MDN1: variants seen among roughly 807,000 people sequenced by gnomAD.
MDN1 encodes midasin.
Under a neutral mutation model 669.2 loss-of-function variants are expected in MDN1, and 266 were observed. That is an observed-to-expected ratio of 0.40 (90% confidence interval 0.36 to 0.44). The LOEUF (loss-of-function observed/expected upper bound fraction) is 0.44. MDN1 is among the 20% of genes least tolerant of loss of function. The probability of loss-of-function intolerance (pLI) is 1.00; values close to 1 mark genes in which losing one functional copy is unlikely to be tolerated. For missense variants in MDN1, 5,940 were observed against 6,754.0 expected, an observed-to-expected ratio of 0.88 and a Z score of 4.22; for synonymous variants, 2,385 against 2,457.1, an observed-to-expected ratio of 0.97 and a Z score of 0.87.
intron 1 of MDN1, among the ~76,000 whole-genome samples, chr6:89,813,456 C>T (rs896066819): frequency 1.3e-5 from 2 of 149,890 alleles, no homozygotes; most frequent in Admixed American, 6.8e-5. Context: ...GAGGCTGAAA[C>T]AGGAGAATTG....
intron 23 of MDN1, 94 bp downstream of exon 23, chr6:89,751,334 GAAT>G: frequency 7.0e-7 from 1 of 1,435,074 alleles, no homozygotes; most frequent in African/African-American, 1.4e-5. Context: ...CAATGAATAA[GAAT>G]AAAGCTCTTT....
At chr6:89,727,006 G>A (rs966282734) in intron 37 of MDN1, among the ~76,000 whole-genome samples, 1 of 152,032 alleles carries the variant, frequency 6.6e-6, no homozygotes, top group African/African-American at 2.4e-5. Context: ...ACTAAGTATG[G>A]TCAGTAGCCT....
At position 89,786,250 on chromosome 6, in the gene MDN1, T is replaced by G. The variant is rs571693998; in HGVS notation, c.1335-1124A>C. On this transcript the variant is annotated intron_variant, in intron 8 of 101. Coordinates refer to ENST00000369393, the MANE Select transcript of MDN1 (RefSeq NM_014611.3). ...TCCAGCTTGGATGACAGAGTGAGAC[T>G]CGGTCTCAAAAAAAATTAATTAAAT... 3.3e-5 allele frequency among the ~76,000 whole-genome samples: 5 copies of G among 151,874 alleles called. No individual in the cohort carries two copies. In the East Asian group the frequency reaches 9.7e-4, roughly 30 times the overall value.
intron 19 of MDN1, among the ~76,000 whole-genome samples, chr6:89,757,028 C>A (rs1408166389): frequency 1.3e-5 from 2 of 152,036 alleles, no homozygotes; most frequent in Non-Finnish European, 2.9e-5. Context: ...AACAAGCCCC[C>A]TCATCATCAA....
intron 97 of MDN1, 37 bp downstream of exon 97, chr6:89,649,985 AAT>A (rs761410939): frequency 3.1e-4 from 498 of 1,607,190 alleles, no homozygotes; most frequent in Non-Finnish European, 4.1e-4. Flanking sequence ...GCTTGATGTT[AAT>A]TTCCTATCAA....
At position 89,700,824 on chromosome 6, in the gene MDN1, C is replaced by A. The variant is rs1410074552; in HGVS notation, c.8460G>T (p.Leu2820=). 11 of 1,614,204 alleles carry A rather than the reference C, an allele frequency of 6.8e-6. No homozygotes were observed. The highest frequency in any genetic ancestry group is 9.3e-6 in the Non-Finnish European group (11 of 1,180,032). ...DKLVVECFSQ[L]KVLNKVLAIR... ...TGGCAAGGACTTTGTTAAGGACCTT[C>A]AGTTGTGAAAAACACTCCACCACCA... Residue 2820 remains leucine, a synonymous_variant, in exon 56 of 102, where the codon CTG becomes CTT. Coordinates refer to ENST00000369393, the MANE Select transcript of MDN1 (RefSeq NM_014611.3).
In MDN1 at chr6:89,755,372, C is replaced by G. The variant is rs1180584030; in HGVS notation, c.2816+905G>C. 2.5e-5 allele frequency among the ~76,000 whole-genome samples: 3 copies of G among 121,498 alleles called. No individual in the cohort carries two copies. In the East Asian group the frequency reaches 7.1e-4, roughly 29 times the overall value. 79.7% of individuals were successfully genotyped at this position (121,498 alleles called of 152,430 possible). A position where few individuals can be genotyped will look rare whatever the true frequency, so the allele number is the denominator to read the frequency against. On this transcript the variant is annotated intron_variant, in intron 20 of 101. Coordinates refer to ENST00000369393, the MANE Select transcript of MDN1 (RefSeq NM_014611.3). ...CAGCCTGCACAACAAAGCAAAGCTC[C>G]TGTATCCAAAAAAAAAAAAAAAAAA...
rs1808263942 is a variant in MDN1 at position 89,643,006 on chromosome 6, T to TCTGA, written c.*995_*998dup. 1 of 152,166 alleles carries TCTGA rather than the reference T, an allele frequency of 6.6e-6. No homozygotes were observed. The highest frequency in any genetic ancestry group is 2.4e-5 in the African/African-American group (1 of 41,448). 9.4% of individuals were successfully genotyped at this position (152,166 alleles called of 1,614,324 possible). A position where few individuals can be genotyped will look rare whatever the true frequency, so the allele number is the denominator to read the frequency against. On this transcript the variant is annotated 3_prime_UTR_variant, in exon 102 of 102. Coordinates refer to ENST00000369393, the MANE Select transcript of MDN1 (RefSeq NM_014611.3). ...TGACATACTGCCTACAAAAGAACAT[T>TCTGA]CTGACAGAACATTAAGTAGAACAGA...
At chr6:89,814,121 T>C (rs1768645679) in intron 1 of MDN1, among the ~76,000 whole-genome samples, 2 of 152,062 alleles carry the variant, frequency 1.3e-5, no homozygotes, top group Admixed American at 1.3e-4. Flanking sequence ...CCCAACCAAC[T>C]GAATGAAGGT....
chr6:89,657,078 A>G (rs1213416582), intron 90 of MDN1, among the ~76,000 whole-genome samples: 2 of 152,250 alleles, frequency 1.3e-5, no homozygotes, highest in African/African-American at 4.8e-5. Context: ...CTCCAAAGAC[A>G]GGACAGACCT....
intron 5 of MDN1, among the ~76,000 whole-genome samples, chr6:89,790,698 GA>G (rs1819221686): frequency 1.3e-5 from 2 of 151,728 alleles, no homozygotes; most frequent in Admixed American, 1.3e-4. Flanking sequence ...CAGAGACCCC[GA>G]CTCTAGAAAA....
At chr6:89,753,385 T>A in intron 22 of MDN1, 127 bp downstream of exon 22, 1 of 682,808 alleles carries the variant, frequency 1.5e-6, no homozygotes. Flanking sequence ...TCTGTAATGT[T>A]TAAACTTTTT....
chr6:89,700,637 A>AT lies in MDN1; in HGVS notation c.8638+8dup, dbSNP rs1167668477. ...ATCTGTCAGCTAGCCAAGTGCTAGA[A>AT]TATTTTACCTAGGCTGACATCTTCC... is the stretch of plus-strand genomic sequence containing the variant. On this transcript the variant is annotated intron_variant, in intron 56 of 101. Transcript: ENST00000369393. 1.2e-6 allele frequency: 2 copies of AT among 1,613,106 alleles called. No individual in the cohort carries two copies. The highest frequency in any genetic ancestry group is 1.7e-6 in the Non-Finnish European group (2 of 1,179,196).
At chr6:89,671,108 G>A (rs372404797) in intron 82 of MDN1, 28 bp from the exon 83 acceptor site, 10 of 1,604,846 alleles carry the variant, frequency 6.2e-6, no homozygotes, top group African/African-American at 1.3e-5. Context: ...CAAAAGGCCT[G>A]CTCACACTGC....
Position 89,681,298 on chromosome 6 carries a change from C to T in MDN1, c.12103-547G>A, listed in dbSNP as rs568572532. Among the ~76,000 whole-genome samples, 3 of 152,238 alleles carry T rather than the reference C, an allele frequency of 2.0e-5. No homozygotes were observed. In the South Asian group the frequency reaches 6.2e-4, roughly 32 times the overall value. ...AAGTGATTCTTGTGCCTCAGCCTCC[C>T]GAATAGCTGGGATTGCAGGCATGCA... On this transcript the variant is annotated intron_variant, in intron 73 of 101. Coordinates refer to ENST00000369393, the MANE Select transcript of MDN1 (RefSeq NM_014611.3).
chr6:89,763,562 G>C (rs534908116), intron 15 of MDN1, among the ~76,000 whole-genome samples: 305 of 152,198 alleles, frequency 2.0e-3, no homozygotes, highest in Non-Finnish European at 2.1e-3. Flanking sequence ...ATGTCTAAGA[G>C]GCACTAGTTA....
intron 17 of MDN1, among the ~76,000 whole-genome samples, chr6:89,761,236 T>C (rs1817530378): frequency 6.6e-6 from 1 of 152,150 alleles, no homozygotes. Context: ...CTTTGAGATA[T>C]ATATTGCATA....
chr6:89,739,230 A>G (rs1816161032), intron 32 of MDN1, among the ~76,000 whole-genome samples: 1 of 152,158 alleles, frequency 6.6e-6, no homozygotes. Context: ...GCGAAACTAA[A>G]AAGTAACTTT....
At chr6:89,664,004 GGGTATACA>G (rs1810007001) in intron 85 of MDN1, among the ~76,000 whole-genome samples, 1 of 151,760 alleles carries the variant, frequency 6.6e-6, no homozygotes, top group Non-Finnish European at 1.5e-5. Context: ...GTTTCTGTGT[GGGTATACA>G]TGCAATAAAT....
Sources: allele counts gnomAD v4.1 joint callset (sites outside exome capture counted in the v4.1 genomes callset), GRCh38; gene constraint gnomAD v4.1.1; transcripts MANE v1.5; gene names NCBI Gene and HGNC (gene_info 2026-07-23, HGNC 2026-07-21).